Variants in GALNT15 observed in about 807,000 individuals in gnomAD.
The protein encoded by GALNT15 is UDP-GalNAc transferase T15.
In GALNT15, 67 loss-of-function variants were observed where a neutral mutation model predicts 66.8. That is an observed-to-expected ratio of 1.00 (90% CI 0.82 to 1.23). GALNT15 has a LOEUF of 1.23. Ranked by LOEUF, GALNT15 falls within the 50% of genes most tolerant of loss-of-function variation. The probability of loss-of-function intolerance (pLI) is 0.00; values close to 1 mark genes in which losing one functional copy is unlikely to be tolerated. For synonymous variants in GALNT15, 313 were observed against 311.5 expected (o/e 1.00, Z -0.05); for missense variants, 827 against 804.3 (o/e 1.03, Z -0.34).
At position 16,176,088 on chromosome 3, in the gene GALNT15, C is replaced by T. The variant is rs1332231739; in HGVS notation, c.539+398C>T. On this transcript the variant is annotated intron_variant, in intron 1 of 9. Coordinates refer to ENST00000339732, the MANE Select transcript of GALNT15 (RefSeq NM_054110.5). The surrounding 1 kb of genome is among the most constrained non-coding windows in gnomAD (Gnocchi z 5.6). ...AACACAGAAGGGAGGTTAGAGCAGA[C>T]ATTTGCCAGTTCTAACACTCTGACT... 6.6e-6 allele frequency among the ~76,000 whole-genome samples: 1 copy of T among 152,184 alleles called. No homozygotes were observed. The highest frequency in any genetic ancestry group is 1.5e-5 in the Non-Finnish European group (1 of 68,032).
chr3:16,226,666 A>G (rs2064023257), intron 9 of GALNT15, among the ~76,000 whole-genome samples: 1 of 152,242 alleles, frequency 6.6e-6, no homozygotes, highest in African/African-American at 2.4e-5. Flanking sequence ...CTCTTCCAAC[A>G]CTGGGAATTA....
At chr3:16,212,502 G>C in intron 5 of GALNT15, 67 bp from the exon 6 acceptor site, 2 of 1,463,428 alleles carry the variant, frequency 1.4e-6, no homozygotes, top group Non-Finnish European at 1.9e-6. Flanking sequence ...TCATAGATAG[G>C]GCTCCCTATT....
At chr3:16,177,887 G>A (rs935132726) in intron 1 of GALNT15, among the ~76,000 whole-genome samples, 4 of 152,164 alleles carry the variant, frequency 2.6e-5, no homozygotes, top group African/African-American at 9.7e-5. Flanking sequence ...GGTATAAAGT[G>A]CATGGATATG....
chr3:16,190,928 C>T (rs1440183456), intron 1 of GALNT15, among the ~76,000 whole-genome samples: 1 of 152,220 alleles, frequency 6.6e-6, no homozygotes, highest in Non-Finnish European at 1.5e-5. Flanking sequence ...GTCTTGAAGG[C>T]TGCGTGAACT....
rs182829743 is a variant in GALNT15 at position 16,200,171 on chromosome 3, T to G, written c.707-448T>G. On this transcript the variant is annotated intron_variant, in intron 2 of 9. Coordinates refer to ENST00000339732, the MANE Select transcript of GALNT15 (RefSeq NM_054110.5). This position sits in a 1 kb window ranked among gnomAD's most constrained non-coding sequence, Gnocchi z 4.4. ...ACACTTATATAATCATCAGATCTCATGAGAACTCACTATCACGAGAACAGC... is the reference window on the plus strand; with the variant it reads ...ACACTTATATAATCATCAGATCTCAGGAGAACTCACTATCACGAGAACAGC... Among the ~76,000 whole-genome samples the G allele has an allele frequency of 5.9e-5, 9 of 152,196 alleles. No individual in the cohort carries two copies. In the East Asian group the frequency reaches 1.7e-3, roughly 29 times the overall value.
In GALNT15 at chr3:16,203,948, G is replaced by C. The variant is rs1407354785; in HGVS notation, c.911+3125G>C. Among the ~76,000 whole-genome samples the C allele has an allele frequency of 6.6e-6, 1 of 152,070 alleles. No homozygotes were observed. Among genetic ancestry groups the C allele is most frequent in the Non-Finnish European group, 1.5e-5 (1 of 68,002 alleles). On this transcript the variant is annotated intron_variant, in intron 3 of 9. Transcript: ENST00000339732. This position sits in a 1 kb window ranked among gnomAD's most constrained non-coding sequence, Gnocchi z 6.2. ...TTTGGTGCAGCTCCTCACATGGAGA[G>C]GAGAGGGGGCCCAGCTGTCTCCAAG...
At chr3:16,235,254 A>T (rs562664857), downstream of GALNT15, among the ~76,000 whole-genome samples, 7 of 152,168 alleles carry the variant, frequency 4.6e-5, no homozygotes, top group Admixed American at 2.0e-4. Context: ...ATAACATTAG[A>T]CATCCTTCCT....
At chr3:16,237,343 T>C in the GALNT15 span, among the ~76,000 whole-genome samples, 4 of 152,226 alleles carry the variant, frequency 2.6e-5, no homozygotes, top group Non-Finnish European at 5.9e-5. This position sits in a 1 kb window ranked among gnomAD's most constrained non-coding sequence, Gnocchi z 4.2. Flanking sequence ...CTGCCTGTTA[T>C]GATCCATGCT....
At chr3:16,245,849 C>T in the GALNT15 span, among the ~76,000 whole-genome samples, 6 of 152,190 alleles carry the variant, frequency 3.9e-5, no homozygotes, top group Non-Finnish European at 8.8e-5. Flanking sequence ...TTTCTGCAAG[C>T]TCCAGGGAGG....
downstream of GALNT15, among the ~76,000 whole-genome samples, chr3:16,233,092 A>ATTTTTTTTTTTTTTTTTTTTTTTT (rs771943641): frequency 2.1e-5 from 1 of 48,068 alleles, no homozygotes; most frequent in Non-Finnish European, 4.2e-5. Flanking sequence ...AGGATAATGC[A>ATTTTTTTTTTTTTTTTTTTTTTTT]TCTTTTTTTT....
At chr3:16,221,880 G>C (rs983467795) in intron 8 of GALNT15, among the ~76,000 whole-genome samples, 6 of 152,190 alleles carry the variant, frequency 3.9e-5, no homozygotes, top group Non-Finnish European at 8.8e-5. Flanking sequence ...TGACAATGTA[G>C]TCTTTAATTT....
rs904100937 is a variant in GALNT15, at chr3:16,182,567, C to G, written c.539+6877C>G. ...GTGGACAGGAGGGAGACCCACGATC[C>G]ACAGTTCCTTTGGGGACTTGGCCTT... is the stretch of plus-strand genomic sequence containing the variant. On this transcript the variant is annotated intron_variant, in intron 1 of 9. Coordinates refer to ENST00000339732, the MANE Select transcript of GALNT15 (RefSeq NM_054110.5). This position sits in a 1 kb window ranked among gnomAD's most constrained non-coding sequence, Gnocchi z 6.1. 3.3e-5 allele frequency: 5 copies of G among 152,276 alleles called. No homozygotes were observed. The highest frequency in any genetic ancestry group is 4.4e-5 in the Non-Finnish European group (3 of 68,084). The allele number at this position is 152,276 out of a possible 1,614,324, so 9.4% of individuals were successfully genotyped here.
chr3:16,224,595 A>G lies in GALNT15; in HGVS notation c.1773+1837A>G, dbSNP rs942460142. On this transcript the variant is annotated intron_variant, in intron 9 of 9. Coordinates refer to ENST00000339732, the MANE Select transcript of GALNT15 (RefSeq NM_054110.5). The surrounding 1 kb of genome is among the most constrained non-coding windows in gnomAD (Gnocchi z 5.2). ...AAGTTCTGGATATCTGTTTCATAACAATGTGAATATATTTAACACTATTGT... is the reference window on the plus strand; with the variant it reads ...AAGTTCTGGATATCTGTTTCATAACGATGTGAATATATTTAACACTATTGT... 3.3e-5 allele frequency among the ~76,000 whole-genome samples: 5 copies of G among 152,066 alleles called. No homozygotes were observed. The highest frequency in any genetic ancestry group is 1.3e-4 in the Admixed American group (2 of 15,250).
rs1156652930 is a variant in GALNT15 at position 16,204,928 on chromosome 3, TG to T, written c.912-3568del. 6.6e-6 allele frequency among the ~76,000 whole-genome samples: 1 copy of T among 152,014 alleles called. No individual in the cohort carries two copies. The highest frequency in any genetic ancestry group is 2.4e-5 in the African/African-American group (1 of 41,402). On this transcript the variant is annotated intron_variant, in intron 3 of 9. Coordinates refer to ENST00000339732, the MANE Select transcript of GALNT15 (RefSeq NM_054110.5). The surrounding 1 kb of genome is among the most constrained non-coding windows in gnomAD (Gnocchi z 4.5). ...GTGTAAGCATGTGAGAGTCTGAGTG[TG>T]GGGGGGAGCGAGCATGTGCGTGCGT...
Position 16,229,607 on chromosome 3 carries a change from T to C in GALNT15, c.*2107T>C. Reference sequence around the variant, plus strand: ...GCTACAAATTCTCAGATGGCGACCGTGTAAATGGTATTAGCGGCTGAAGAA... The same window carrying C: ...GCTACAAATTCTCAGATGGCGACCGCGTAAATGGTATTAGCGGCTGAAGAA... On this transcript the variant is annotated 3_prime_UTR_variant, in exon 10 of 10. Coordinates refer to ENST00000339732, the MANE Select transcript of GALNT15 (RefSeq NM_054110.5). 6.1e-6 allele frequency: 6 copies of C among 985,438 alleles called. No homozygotes were observed. Among genetic ancestry groups the C allele is most frequent in the Non-Finnish European group, 7.2e-6 (6 of 829,922 alleles). The allele number at this position is 985,438 out of a possible 1,614,324, so 61.0% of individuals were successfully genotyped here.
intron 3 of GALNT15, among the ~76,000 whole-genome samples, chr3:16,205,927 G>A (rs955332713): frequency 6.6e-6 from 1 of 152,186 alleles, no homozygotes; most frequent in Non-Finnish European, 1.5e-5. Flanking sequence ...TTTCAGAAAG[G>A]AAAAGAGGGT....
At chr3:16,236,126 A>AAAAT (rs1356868365), downstream of GALNT15, among the ~76,000 whole-genome samples, 6 of 145,214 alleles carry the variant, frequency 4.1e-5, no homozygotes, top group East Asian at 1.2e-3. Context: ...AAAAAAAAAA[A>AAAAT]AAAAAGGACT....
chr3:16,193,755 T>C lies in GALNT15; in HGVS notation c.540-2005T>C, dbSNP rs576249596. Among the ~76,000 whole-genome samples the C allele has an allele frequency of 5.3e-5, 8 of 152,310 alleles. No homozygotes were observed. Among genetic ancestry groups the C allele is most frequent in the African/African-American group, 1.7e-4 (7 of 41,564 alleles). ...CGCAGTTCCACCTCACAGATTCCTT[T>C]AGGTGTCCGAAGTTTGGGGTCCTTG... On this transcript the variant is annotated intron_variant, in intron 1 of 9. Transcript: ENST00000339732. This position sits in a 1 kb window ranked among gnomAD's most constrained non-coding sequence, Gnocchi z 4.7.
At chr3:16,216,552 G>C (rs1435102591) in intron 6 of GALNT15, among the ~76,000 whole-genome samples, 1 of 152,014 alleles carries the variant, frequency 6.6e-6, no homozygotes, top group Admixed American at 6.6e-5. Flanking sequence ...AGTACATTTG[G>C]AACAGGGCCA....
Sources: allele counts gnomAD v4.1 joint callset (sites outside exome capture counted in the v4.1 genomes callset), GRCh38; gene constraint gnomAD v4.1.1; non-coding constraint Gnocchi (gnomAD v3.1); transcripts MANE v1.5; gene names NCBI Gene and HGNC (gene_info 2026-07-23, HGNC 2026-07-21).